The following PDE4D variants were observed in gnomAD, a reference collection of about 807,000 sequenced individuals.
PDE4D encodes the protein 3',5'-cyclic-AMP phosphodiesterase 4D.
Under a neutral mutation model 87.4 loss-of-function variants are expected in PDE4D, and 24 were observed. That is an observed-to-expected ratio of 0.27 (90% CI 0.20 to 0.39). PDE4D has a LOEUF of 0.39. Among genes scored for constraint, PDE4D ranks in the 10% least tolerant of loss-of-function variants. PDE4D has a pLI of 1.00. For synonymous variants in PDE4D, 384 were observed against 383.2 expected, an observed-to-expected ratio of 1.00 and a Z score of -0.02; for missense variants, 714 against 1,041.0, an observed-to-expected ratio of 0.69 and a Z score of 4.32.
intron 5 of PDE4D, among the ~76,000 whole-genome samples, chr5:59,054,111 C>A (rs1369815701): frequency 6.6e-6 from 1 of 151,974 alleles, no homozygotes; most frequent in Non-Finnish European, 1.5e-5. Flanking sequence ...TTCTTGGTGA[C>A]CCAATAATTA....
At chr5:60,253,265 T>C (rs537867421) in intron 1 of PDE4D, among the ~76,000 whole-genome samples, 1 of 151,938 alleles carries the variant, frequency 6.6e-6, no homozygotes, top group Non-Finnish European at 1.5e-5. Context: ...TAAATGCGTT[T>C]TTATTTTTAG....
intron 1 of PDE4D, among the ~76,000 whole-genome samples, chr5:59,810,731 A>G (rs1440453649): frequency 6.6e-6 from 1 of 152,162 alleles, no homozygotes; most frequent in Admixed American, 6.5e-5. Flanking sequence ...CCTCGTTCCT[A>G]CGTATTCCCA....
chr5:60,056,256 C>T (rs1395964225), intron 2 of PDE4D, among the ~76,000 whole-genome samples: 1 of 151,984 alleles, frequency 6.6e-6, no homozygotes, highest in African/African-American at 2.4e-5. Context: ...TACAGAAAAT[C>T]GCTGCCTATA....
chr5:59,148,388 G>A (rs1778975914), intron 5 of PDE4D, among the ~76,000 whole-genome samples: 1 of 152,142 alleles, frequency 6.6e-6, no homozygotes, highest in East Asian at 1.9e-4. Flanking sequence ...CCTTCAAGTT[G>A]TTGTTTCTCT....
At chr5:59,981,154 A>T (rs1013927122) in intron 3 of PDE4D, among the ~76,000 whole-genome samples, 1 of 152,192 alleles carries the variant, frequency 6.6e-6, no homozygotes, top group Non-Finnish European at 1.5e-5. Flanking sequence ...TGGGAGGCTG[A>T]GGCAGGAGAA....
At chr5:59,162,360 T>C (rs1455732652) in intron 5 of PDE4D, among the ~76,000 whole-genome samples, 2 of 152,132 alleles carry the variant, frequency 1.3e-5, no homozygotes, top group Non-Finnish European at 2.9e-5. Flanking sequence ...ATTAGAGAGT[T>C]ACCAGTTCAC....
chr5:59,271,896 T>C (rs904657330), intron 1 of PDE4D, among the ~76,000 whole-genome samples: 1 of 151,590 alleles, frequency 6.6e-6, no homozygotes, highest in South Asian at 2.1e-4. Flanking sequence ...GCAGTCCCCC[T>C]TACCTTCACT....
intron 1 of PDE4D, among the ~76,000 whole-genome samples, chr5:59,862,450 C>T (rs535842723): frequency 2.4e-4 from 37 of 152,116 alleles, no homozygotes; most frequent in Non-Finnish European, 4.3e-4. Context: ...TGTGGGTGTG[C>T]GAACTCACAC....
intron 1 of PDE4D, among the ~76,000 whole-genome samples, chr5:60,333,766 A>G (rs1757504404): frequency 1.3e-5 from 2 of 152,208 alleles, no homozygotes; most frequent in Non-Finnish European, 2.9e-5. Flanking sequence ...TTGATTGCAA[A>G]TAATTCCAAT....
intron 1 of PDE4D, among the ~76,000 whole-genome samples, chr5:59,348,932 T>A (rs1402707861): frequency 1.3e-5 from 2 of 151,904 alleles, no homozygotes; most frequent in African/African-American, 4.8e-5. Context: ...ATATATTTTT[T>A]AAGCCAGGAA....
intron 5 of PDE4D, among the ~76,000 whole-genome samples, chr5:59,067,292 C>T (rs1016816583): frequency 3.9e-5 from 6 of 152,050 alleles, no homozygotes; most frequent in African/African-American, 1.2e-4. Flanking sequence ...GCTGGGATTA[C>T]AGGCATGAGC....
At chr5:60,474,665 G>T (rs1393541251) in intron 1 of PDE4D, among the ~76,000 whole-genome samples, 1 of 152,158 alleles carries the variant, frequency 6.6e-6, no homozygotes, top group Non-Finnish European at 1.5e-5. Context: ...CGCAGTTCTG[G>T]CAATGAGCTT....
intron 2 of PDE4D, among the ~76,000 whole-genome samples, chr5:60,059,583 G>C (rs1380461008): frequency 3.3e-5 from 5 of 151,948 alleles, no homozygotes; most frequent in Non-Finnish European, 7.4e-5. Flanking sequence ...TTATCTAGAA[G>C]GGATATAAAT....
At chr5:59,355,689 C>T (rs1183713883) in intron 1 of PDE4D, among the ~76,000 whole-genome samples, 15 of 151,942 alleles carry the variant, frequency 9.9e-5, no homozygotes, top group Admixed American at 9.2e-4. Flanking sequence ...ATTATATTTA[C>T]CTCTTGCCAA....
intron 1 of PDE4D, among the ~76,000 whole-genome samples, chr5:59,786,671 T>G (rs903699736): frequency 6.6e-6 from 1 of 152,222 alleles, no homozygotes; most frequent in Non-Finnish European, 1.5e-5. Flanking sequence ...CATGAACATT[T>G]CCTCATGTTC....
chr5:60,466,847 T>G (rs558872139), intron 1 of PDE4D, among the ~76,000 whole-genome samples: 73 of 152,210 alleles, frequency 4.8e-4, no homozygotes, highest in Non-Finnish European at 8.1e-4. Flanking sequence ...CTTTTCTTTG[T>G]TCTTCCAGTC....
In PDE4D at chr5:60,098,249, T is replaced by C. The variant is rs1775875425; in HGVS notation, c.42+87308A>G. Among the ~76,000 whole-genome samples the C allele has an allele frequency of 2.0e-5, 3 of 151,870 alleles. No homozygotes were observed. In the South Asian group the frequency reaches 6.2e-4, roughly 31 times the overall value. ...ATTAGATAGGACAGTAGGAAAACTATAGTTAACAATAATTTATTATATATT... is the reference window on the plus strand; with the variant it reads ...ATTAGATAGGACAGTAGGAAAACTACAGTTAACAATAATTTATTATATATT... On this transcript the variant is annotated intron_variant, in intron 2 of 16. Transcript: ENST00000502484.
intron 2 of PDE4D, among the ~76,000 whole-genome samples, chr5:60,030,243 G>A (rs929609300): frequency 2.6e-5 from 4 of 152,064 alleles, no homozygotes; most frequent in Non-Finnish European, 5.9e-5. Context: ...GAGGTCAGGA[G>A]ATCGAGACCA....
chr5:59,707,917 A>G (rs1387310064), intron 1 of PDE4D, among the ~76,000 whole-genome samples: 3 of 152,188 alleles, frequency 2.0e-5, no homozygotes, highest in Non-Finnish European at 2.9e-5. Flanking sequence ...TGTAATGAAC[A>G]TACCTGTGTA....
Sources: allele counts gnomAD v4.1 joint callset (sites outside exome capture counted in the v4.1 genomes callset), GRCh38; gene constraint gnomAD v4.1.1; transcripts MANE v1.5; gene names NCBI Gene and HGNC (gene_info 2026-07-23, HGNC 2026-07-21).